Variants in ZNF879 observed in about 807,000 individuals in gnomAD.
The protein encoded by ZNF879 is zinc finger protein 879.
Under a neutral mutation model 44.3 loss-of-function variants are expected in ZNF879, and 32 were observed. That is an observed-to-expected ratio of 0.72 (90% confidence interval 0.54 to 0.97). The LOEUF (loss-of-function observed/expected upper bound fraction) is 0.97, where lower values mean the gene tolerates loss of function less well. Ranked by LOEUF, ZNF879 falls within the 50% of genes least tolerant of loss-of-function variation. The pLI is 0.00. For missense variants in ZNF879, 621 were observed against 669.7 expected (o/e 0.93, Z 0.80); for synonymous variants, 234 against 233.2 (o/e 1.00, Z -0.03).
chr5:179,025,801 C>A (rs1036701196), intron 2 of ZNF879, among the ~76,000 whole-genome samples: 1 of 152,036 alleles, frequency 6.6e-6, no homozygotes, highest in African/African-American at 2.4e-5. Flanking sequence ...CCTATAGTCC[C>A]AACTGCTCTG....
At position 179,032,355 on chromosome 5, in the gene ZNF879, G is replaced by A; in HGVS notation, c.407G>A (p.Arg136Lys). The change falls in exon 5 of 5, where the codon AGA becomes AAA. Residue 136 changes from arginine to lysine, a missense_variant. Transcript: ENST00000444149. ...GAGAAGCAACAAGGCAAAAAGAACA[G>A]ACTTTTCAGTAAAGTGTTAGTTACC... ...KLEKQQGKKN[R>K]LFSKVLVTIK... The A allele has an allele frequency of 6.4e-7, 1 of 1,551,310 alleles. No individual in the cohort carries two copies. The highest frequency in any genetic ancestry group is 1.2e-5 in the South Asian group (1 of 83,900).
chr5:179,033,494 G>A lies in ZNF879; in HGVS notation c.1546G>A (p.Val516Met). 6.4e-7 allele frequency: 1 copy of A among 1,561,914 alleles called. No homozygotes were observed. The highest frequency in any genetic ancestry group is 8.7e-7 in the Non-Finnish European group (1 of 1,153,198). Residue 516 changes from valine to methionine, a missense_variant, in exon 5 of 5, where the codon GTG (valine) becomes ATG (methionine). By Grantham distance (21) the Val-to-Met change is conservative. Transcript: ENST00000444149. Reference sequence around the variant, plus strand: ...TGGAGAGAAACCATATAATTGTAAAGTGTGTGGGAAAGCCTTCAGACAGAG... The same window carrying A: ...TGGAGAGAAACCATATAATTGTAAAATGTGTGGGAAAGCCTTCAGACAGAG... The part of the protein sequence containing the change: ...HTGEKPYNCK[V>M]CGKAFRQSSS...
intron 4 of ZNF879, among the ~76,000 whole-genome samples, chr5:179,030,367 G>T (rs1325710015): frequency 6.6e-6 from 1 of 152,190 alleles, no homozygotes; most frequent in Non-Finnish European, 1.5e-5. Context: ...TGTTGTAAAA[G>T]AATGTTTGTT....
At chr5:179,031,441 C>T (rs947687187) in intron 4 of ZNF879, among the ~76,000 whole-genome samples, 29 of 152,168 alleles carry the variant, frequency 1.9e-4, no homozygotes, top group Admixed American at 7.2e-4. Context: ...ACTGGAATCA[C>T]CTTTATACCC....
chr5:179,025,030 A>G lies in ZNF879; in HGVS notation c.26A>G (p.His9Arg). Residue 9 changes from histidine to arginine, a missense_variant, in exon 2 of 5, where the codon CAT (histidine) becomes CGT (arginine). Coordinates refer to ENST00000444149, the MANE Select transcript of ZNF879 (RefSeq NM_001136116.3). ...ATGGCAAGGAGGTTGCTGCCAGCCC[A>G]TGTACAGGTGAGTGAAGGCTTCTTT... MARRLLPA[H>R]VQESVTFRDV... The G allele has an allele frequency of 6.4e-7, 1 of 1,551,526 alleles. No homozygotes were observed. The highest frequency in any genetic ancestry group is 8.7e-7 in the Non-Finnish European group (1 of 1,146,884).
At chr5:179,031,674 C>T (rs1581102160) in intron 4 of ZNF879, among the ~76,000 whole-genome samples, 1 of 152,230 alleles carries the variant, frequency 6.6e-6, no homozygotes, top group East Asian at 1.9e-4. Context: ...CCTTGTCTGG[C>T]TTGTGCCCTG....
intron 2 of ZNF879, among the ~76,000 whole-genome samples, chr5:179,026,304 AT>A (rs1761267760): frequency 6.6e-6 from 1 of 152,190 alleles, no homozygotes; most frequent in African/African-American, 2.4e-5. Flanking sequence ...GGATGCTGTT[AT>A]TTGTATAATG....
intron 1 of ZNF879, among the ~76,000 whole-genome samples, chr5:179,024,110 C>G (rs1359845862): frequency 6.6e-6 from 1 of 152,184 alleles, no homozygotes; most frequent in Non-Finnish European, 1.5e-5. Context: ...CGCCGCTGGA[C>G]TCCTGGGCCG....
At chr5:179,031,268 C>T (rs1761410115) in intron 4 of ZNF879, among the ~76,000 whole-genome samples, 1 of 152,204 alleles carries the variant, frequency 6.6e-6, no homozygotes, top group Admixed American at 6.5e-5. Context: ...CAATATCTTC[C>T]TGTATCCTAG....
In ZNF879 at chr5:179,032,820, A is replaced by G. The variant is rs1315858356; in HGVS notation, c.872A>G (p.Lys291Arg). 4 of 1,555,242 alleles carry G rather than the reference A, an allele frequency of 2.6e-6. No individual in the cohort carries two copies. The highest frequency in any genetic ancestry group is 3.5e-6 in the Non-Finnish European group (4 of 1,149,216). Residue 291 changes from lysine to arginine, a missense_variant, in exon 5 of 5, where the codon AAG becomes AGG. By Grantham distance (26) the Lys-to-Arg change is conservative. Coordinates refer to ENST00000444149, the MANE Select transcript of ZNF879 (RefSeq NM_001136116.3). ...ACTGGAGAGAGACCTTATAAATGCA[A>G]GGAATGTGGAAAAACATTTAAAGGT... Reference protein sequence around the residue: ...MHTGERPYKCKECGKTFKGSS... With the variant: ...MHTGERPYKCRECGKTFKGSS...
In ZNF879 at chr5:179,032,924, A is replaced by G. The variant is rs747612026; in HGVS notation, c.976A>G (p.Ser326Gly). 118 of 1,566,960 alleles carry G rather than the reference A, an allele frequency of 7.5e-5. No homozygotes were observed. In the South Asian group the frequency reaches 1.3e-3, roughly 17 times the overall value. ...GTGTAATGAATGTGGGAGGGCCTTC[A>G]GTCAGTGCTCATCTCTCATTCAGCA... is the stretch of plus-strand genomic sequence containing the variant. ...YKCNECGRAF[S>G]QCSSLIQHHR... Residue 326 changes from serine (S) to glycine (G), a missense_variant, in exon 5 of 5, where the codon AGT becomes GGT. Transcript: ENST00000444149.
At chr5:179,031,640 G>A (rs1761422443) in intron 4 of ZNF879, among the ~76,000 whole-genome samples, 1 of 152,166 alleles carries the variant, frequency 6.6e-6, no homozygotes, top group African/African-American at 2.4e-5. Context: ...TCACACTGCT[G>A]GAATGAAAAC....
At chr5:179,030,705 G>T (rs1448301905) in intron 4 of ZNF879, among the ~76,000 whole-genome samples, 7 of 73,380 alleles carry the variant, frequency 9.5e-5, no homozygotes, top group Admixed American at 4.3e-4. Context: ...ATAGTTTTCT[G>T]TGTTTTTCTT....
At chr5:179,025,247 TCTCA>T (rs1305681214) in intron 2 of ZNF879, among the ~76,000 whole-genome samples, 1 of 150,372 alleles carries the variant, frequency 6.7e-6, no homozygotes, top group Non-Finnish European at 1.5e-5. Context: ...TGAGACAGGG[TCTCA>T]CTCTGTTACC....
Position 179,028,147 on chromosome 5 carries a change from G to T in ZNF879, c.256+20G>T. ...ATCTCGGTGAGTGACAGAGTAATTG[G>T]GAGATGGGCATAACATTTTCCCACT... On this transcript the variant is annotated intron_variant, in intron 4 of 4. Transcript: ENST00000444149. 6.5e-7 allele frequency: 1 copy of T among 1,548,822 alleles called. No individual in the cohort carries two copies. Among genetic ancestry groups the T allele is most frequent in the South Asian group, 1.2e-5 (1 of 83,978 alleles).
At chr5:179,026,541 A>G (rs367979420) in intron 2 of ZNF879, among the ~76,000 whole-genome samples, 34 of 152,214 alleles carry the variant, frequency 2.2e-4, no homozygotes, top group African/African-American at 8.2e-4. Flanking sequence ...GGAGTGCAGT[A>G]GTGTGATCAC....
Position 179,025,011 on chromosome 5 carries a change from A to G in ZNF879, c.7A>G (p.Arg3Gly), listed in dbSNP as rs1368746281. MA[R>G]RLLPAHVQES... The stretch of plus-strand genomic sequence containing the variant: ...AGGCAGCAGGGAGGGAGAAATGGCA[A>G]GGAGGTTGCTGCCAGCCCATGTACA... The change falls in exon 2 of 5, where the codon AGG (arginine) becomes GGG (glycine). Residue 3 changes from arginine (R) to glycine (G), a missense_variant. Transcript: ENST00000444149. 4 of 1,551,606 alleles carry G rather than the reference A, an allele frequency of 2.6e-6. No homozygotes were observed. The highest frequency in any genetic ancestry group is 3.5e-6 in the Non-Finnish European group (4 of 1,146,954).
At position 179,034,967 on chromosome 5, in the gene ZNF879, G is replaced by A. The variant is rs1467960877; in HGVS notation, c.*1327G>A. ...CGCCTGTAATCCCGGCACTTTGGGA[G>A]GCCAAGACGGGCAGATCATGAGGTC... On this transcript the variant is annotated 3_prime_UTR_variant, in exon 5 of 5. Transcript: ENST00000444149. 1 of 151,918 alleles carries A rather than the reference G, an allele frequency of 6.6e-6. No individual in the cohort carries two copies. Among genetic ancestry groups the A allele is most frequent in the Admixed American group, 6.6e-5 (1 of 15,248 alleles). The allele number at this position is 151,918 out of a possible 1,614,324, so 9.4% of individuals were successfully genotyped here.
intron 1 of ZNF879, 39 bp from the exon 2 acceptor site, chr5:179,024,931 C>G (rs34881171): frequency 6.7e-7 from 1 of 1,495,336 alleles, no homozygotes; most frequent in East Asian, 2.5e-5. Context: ...GGCATGCAGG[C>G]TGGATGAAAA....
Sources: gnomAD v4.1 joint callset for allele counts (sites outside exome capture counted in the v4.1 genomes callset) on GRCh38, gnomAD v4.1.1 for gene constraint, MANE v1.5 for transcripts, NCBI Gene and HGNC (gene_info 2026-07-23, HGNC 2026-07-21) for gene names.